The following LARGE1 variants were observed in gnomAD, a reference collection of about 807,000 sequenced individuals.
LARGE1 encodes LARGE xylosyl- and glucuronyltransferase 1, also known as xylosyl- and glucuronyltransferase LARGE1.
LARGE1 carries 43 observed loss-of-function variants against 87.6 expected under a neutral mutation model. The observed-to-expected ratio is 0.49, with a 90% CI of 0.38 to 0.63. The LOEUF is 0.63. Among genes scored for constraint, LARGE1 ranks in the 30% least tolerant of loss-of-function variants. LARGE1 has a pLI of 0.00. For synonymous variants in LARGE1, 434 were observed against 394.6 expected (o/e 1.10, Z -1.18); for missense variants, 802 against 1,000.2 (o/e 0.80, Z 2.67).
chr22:33,739,169 C>A (rs1324927243), intron 2 of LARGE1, among the ~76,000 whole-genome samples: 1 of 152,082 alleles, frequency 6.6e-6, no homozygotes, highest in Non-Finnish European at 1.5e-5. Context: ...ACCGTGCCAG[C>A]CCTGGGCTCA....
At chr22:33,281,586 T>C (rs1364650679) in intron 13 of LARGE1, among the ~76,000 whole-genome samples, 2 of 152,336 alleles carry the variant, frequency 1.3e-5, no homozygotes, top group East Asian at 1.9e-4. Flanking sequence ...CATAGGTTTA[T>C]TGTGAGAATT....
chr22:33,902,145 T>C (rs906252825), intron 1 of LARGE1, among the ~76,000 whole-genome samples: 5 of 152,220 alleles, frequency 3.3e-5, no homozygotes, highest in African/African-American at 1.2e-4. Context: ...GTGGCACTTT[T>C]ACGACGTGGG....
intron 7 of LARGE1, among the ~76,000 whole-genome samples, chr22:33,418,957 T>C (rs1444360013): frequency 6.6e-6 from 1 of 152,174 alleles, no homozygotes. Context: ...ACTTGGGGTC[T>C]GAACACCTGA....
chr22:33,851,244 A>G (rs1391289864), intron 1 of LARGE1, among the ~76,000 whole-genome samples: 7 of 152,358 alleles, frequency 4.6e-5, no homozygotes, highest in Non-Finnish European at 1.0e-4. Flanking sequence ...TAAATCCAGG[A>G]TAAGACCTTG....
At chr22:33,793,941 T>C (rs2085899965) in intron 1 of LARGE1, among the ~76,000 whole-genome samples, 2 of 152,178 alleles carry the variant, frequency 1.3e-5, no homozygotes, top group South Asian at 4.1e-4. Flanking sequence ...AATTTTTTTT[T>C]CCAAAAGAAT....
At chr22:33,663,644 C>T (rs765874771) in intron 2 of LARGE1, among the ~76,000 whole-genome samples, 8 of 152,152 alleles carry the variant, frequency 5.3e-5, no homozygotes, top group Non-Finnish European at 8.8e-5. Flanking sequence ...GGGGATGACG[C>T]GGCTGATTGG....
chr22:33,919,011 C>G (rs777154607), intron 1 of LARGE1, among the ~76,000 whole-genome samples: 1 of 151,320 alleles, frequency 6.6e-6, no homozygotes, highest in Non-Finnish European at 1.5e-5. Context: ...TTTGCTCCCT[C>G]AGGAGATCAT....
At chr22:33,368,411 G>A (rs2064674966) in intron 9 of LARGE1, among the ~76,000 whole-genome samples, 1 of 151,750 alleles carries the variant, frequency 6.6e-6, no homozygotes, top group African/African-American at 2.4e-5. Flanking sequence ...GCGGGCACCT[G>A]TAGTCCTAGC....
chr22:33,442,461 G>A (rs1004063317), intron 6 of LARGE1, among the ~76,000 whole-genome samples: 12 of 152,132 alleles, frequency 7.9e-5, no homozygotes, highest in African/African-American at 2.9e-4. Flanking sequence ...TTTCAACAGT[G>A]GCCCCCATTA....
intron 6 of LARGE1, among the ~76,000 whole-genome samples, chr22:33,533,924 C>T (rs1439072140): frequency 1.3e-5 from 2 of 151,420 alleles, no homozygotes; most frequent in Admixed American, 6.6e-5. Context: ...CTCTTCTCTG[C>T]CTTGACTGTT....
the LARGE1 span, among the ~76,000 whole-genome samples, chr22:33,097,719 T>C: frequency 3.3e-5 from 5 of 152,214 alleles, no homozygotes; most frequent in African/African-American, 1.2e-4. Context: ...ATTAAAGAAT[T>C]AACAGTTGAG....
At chr22:33,528,442 G>A (rs368823619) in intron 6 of LARGE1, among the ~76,000 whole-genome samples, 9 of 152,320 alleles carry the variant, frequency 5.9e-5, no homozygotes, top group Non-Finnish European at 1.3e-4. Context: ...GTGCCCATGA[G>A]CAACTGAGCT....
At chr22:33,337,621 C>T (rs773744682) in intron 10 of LARGE1, 25 bp downstream of exon 10, 2 of 1,613,848 alleles carry the variant, frequency 1.2e-6, no homozygotes, top group Admixed American at 1.7e-5. Flanking sequence ...CGCCCCTTCC[C>T]TGCCCAGCCT....
At chr22:33,310,031 G>C (rs371394995) in intron 11 of LARGE1, among the ~76,000 whole-genome samples, 1 of 152,220 alleles carries the variant, frequency 6.6e-6, no homozygotes, top group East Asian at 1.9e-4. Context: ...AACGGTCAGT[G>C]CTTTCAAATG....
At chr22:33,188,046 T>C (rs1404094300) in intron 11 of LARGE1, among the ~76,000 whole-genome samples, 1 of 149,072 alleles carries the variant, frequency 6.7e-6, no homozygotes, top group African/African-American at 2.4e-5. Flanking sequence ...GATTTAGCCA[T>C]TCCACAACGT....
At chr22:33,094,650 C>A in the LARGE1 span, among the ~76,000 whole-genome samples, 2 of 151,742 alleles carry the variant, frequency 1.3e-5, no homozygotes, top group Non-Finnish European at 2.9e-5. Context: ...ACATCCTACT[C>A]AAATACCACC....
chr22:33,371,268 C>A (rs113985664), intron 9 of LARGE1, among the ~76,000 whole-genome samples: 1,773 of 151,900 alleles, frequency 0.012, 22 homozygotes, highest in African/African-American at 0.035. Context: ...GTTCCTGTGA[C>A]TTAAATAAAA....
chr22:33,085,869 G>A, the LARGE1 span, among the ~76,000 whole-genome samples: 1 of 152,074 alleles, frequency 6.6e-6, no homozygotes, highest in African/African-American at 2.4e-5. Flanking sequence ...CTTTGATTTG[G>A]TGAATTTTGC....
intron 2 of LARGE1, chr22:33,732,112 C>T (rs1042093519): frequency 6.6e-6 from 1 of 152,000 alleles, no homozygotes; most frequent in Non-Finnish European, 1.5e-5. Flanking sequence ...CTTCGGTAGC[C>T]CCAGGTTAGT....
Sources: gnomAD v4.1 joint callset for allele counts (sites outside exome capture counted in the v4.1 genomes callset) on GRCh38, gnomAD v4.1.1 for gene constraint, MANE v1.5 for transcripts, NCBI Gene and HGNC (gene_info 2026-07-23, HGNC 2026-07-21) for gene names.